Variants in RNF19B observed in about 807,000 individuals in gnomAD.
RNF19B encodes E3 ubiquitin-protein ligase RNF19B.
Under a neutral mutation model 65.5 loss-of-function variants are expected in RNF19B, and 23 were observed. The observed-to-expected ratio is 0.35, with a 90% CI of 0.25 to 0.50. RNF19B has a LOEUF of 0.50. RNF19B is among the 20% of genes least tolerant of loss of function. The pLI is 0.98. For missense variants in RNF19B, 794 were observed against 980.0 expected, an observed-to-expected ratio of 0.81 and a Z score of 2.53; for synonymous variants, 372 against 379.6, an observed-to-expected ratio of 0.98 and a Z score of 0.23.
intron 1 of RNF19B, among the ~76,000 whole-genome samples, 169 bp downstream of exon 1, chr1:32,963,882 T>A (rs891278429): frequency 6.6e-6 from 1 of 152,052 alleles, no homozygotes; most frequent in African/African-American, 2.4e-5. Flanking sequence ...GGGCGGGGTG[T>A]CGGGTGCGTT....
downstream of RNF19B, among the ~76,000 whole-genome samples, chr1:32,931,671 G>A (rs1227297958): frequency 2.0e-5 from 3 of 152,212 alleles, no homozygotes; most frequent in Non-Finnish European, 4.4e-5. Flanking sequence ...GAGCCTTGCG[G>A]CTACAAAAGA....
rs1398261133 is a variant in RNF19B at position 32,945,627 on chromosome 1, A to C, written c.1148T>G (p.Ile383Ser). 1 of 1,590,722 alleles carries C rather than the reference A, an allele frequency of 6.3e-7. No individual in the cohort carries two copies. Among genetic ancestry groups the C allele is most frequent in the Non-Finnish European group, 8.6e-7 (1 of 1,159,024 alleles). The change falls in exon 5 of 9, where the codon ATT (isoleucine) becomes AGT (serine). Residue 383 changes from isoleucine to serine, a missense_variant and splice_region_variant. Ile to Ser is a moderately radical substitution (Grantham distance 142). Around this residue, in one of 3 missense-constraint regions of RNF19B, gnomAD observed 368 missense variants for 447.3 expected, o/e 0.82. Transcript: ENST00000235150. ...TTTCCTTCCCTCATACCTGCTGTGA[A>C]TCTAAGAATAAAAAAAGAAAATCCA... ...IGIPVYVGRK[I>S]HSRYEGRKTS...
downstream of RNF19B, among the ~76,000 whole-genome samples, chr1:32,933,987 G>A (rs761320866): frequency 4.6e-5 from 7 of 152,114 alleles, no homozygotes; most frequent in South Asian, 2.1e-4. Context: ...TTGTTCTCTC[G>A]AGGCTTCAAG....
At chr1:32,956,992 A>G (rs1334023882) in intron 1 of RNF19B, among the ~76,000 whole-genome samples, 2 of 152,168 alleles carry the variant, frequency 1.3e-5, no homozygotes, top group African/African-American at 4.8e-5. Flanking sequence ...GACAACTCCA[A>G]GAGCCTCCTT....
At chr1:32,930,280 T>C in the RNF19B span, among the ~76,000 whole-genome samples, 1 of 151,524 alleles carries the variant, frequency 6.6e-6, no homozygotes, top group Non-Finnish European at 1.5e-5. Flanking sequence ...CAGCTAGTTT[T>C]TGTATTTTTA....
chr1:32,936,029 G>A (rs539043680), downstream of RNF19B, among the ~76,000 whole-genome samples: 197 of 152,276 alleles, frequency 1.3e-3, no homozygotes, highest in Middle Eastern at 0.01. Context: ...GATTACAGGC[G>A]TGAGCCACCA....
chr1:32,961,820 A>C (rs1261796234), intron 1 of RNF19B, among the ~76,000 whole-genome samples: 1 of 152,164 alleles, frequency 6.6e-6, no homozygotes, highest in Non-Finnish European at 1.5e-5. Flanking sequence ...GTGCATTTTT[A>C]TTGATGTGAG....
At chr1:32,961,578 A>G (rs1215975409) in intron 1 of RNF19B, among the ~76,000 whole-genome samples, 4 of 152,200 alleles carry the variant, frequency 2.6e-5, no homozygotes, top group Non-Finnish European at 5.9e-5. Flanking sequence ...AGGTATTGAG[A>G]GGCCAGCTTT....
chr1:32,944,820 C>G (rs1642326879), intron 5 of RNF19B, among the ~76,000 whole-genome samples: 1 of 152,078 alleles, frequency 6.6e-6, no homozygotes, highest in Non-Finnish European at 1.5e-5. Context: ...TCCCAAGTAG[C>G]TGGGACTACA....
intron 1 of RNF19B, among the ~76,000 whole-genome samples, chr1:32,951,802 CTT>C (rs34519392): frequency 2.8e-5 from 4 of 145,088 alleles, no homozygotes; most frequent in African/African-American, 5.0e-5. Flanking sequence ...GACACATATT[CTT>C]TTTTTTTTTT....
At chr1:32,955,961 G>A (rs1046651849) in intron 1 of RNF19B, among the ~76,000 whole-genome samples, 3 of 152,140 alleles carry the variant, frequency 2.0e-5, no homozygotes, top group Non-Finnish European at 4.4e-5. Context: ...TGGGTGCAGT[G>A]GCTCATGCCC....
chr1:32,942,035 T>G (rs1168655946), intron 7 of RNF19B, among the ~76,000 whole-genome samples: 1 of 152,074 alleles, frequency 6.6e-6, no homozygotes, highest in Non-Finnish European at 1.5e-5. Flanking sequence ...AGGCGGAGCT[T>G]GCAGTGAGCC....
intron 1 of RNF19B, among the ~76,000 whole-genome samples, chr1:32,961,255 T>C (rs148329527): frequency 2.0e-5 from 3 of 152,294 alleles, no homozygotes; most frequent in Non-Finnish European, 4.4e-5. Flanking sequence ...AACTAGACTC[T>C]AGTATCTTTG....
At chr1:32,959,045 T>C (rs370053906) in intron 1 of RNF19B, among the ~76,000 whole-genome samples, 9 of 152,292 alleles carry the variant, frequency 5.9e-5, no homozygotes, top group African/African-American at 2.2e-4. Flanking sequence ...GCAAAAATCC[T>C]CCTTCACTGA....
intron 1 of RNF19B, among the ~76,000 whole-genome samples, chr1:32,952,782 A>G (rs1370458809): frequency 6.7e-6 from 1 of 149,862 alleles, no homozygotes; most frequent in Non-Finnish European, 1.5e-5. Context: ...GTATGGTGAC[A>G]CAGGCCTGCA....
rs757085052 is a variant in RNF19B, at chr1:32,936,854, G to A, written c.2148C>T (p.Ala716=). Reference sequence around the variant, plus strand: ...CTGGCTTCAAGACAGTTTGTCCCTCGGCTAGGGCAGAGAGGTTCATATGGG... The same window carrying A: ...CTGGCTTCAAGACAGTTTGTCCCTCAGCTAGGGCAGAGAGGTTCATATGGG... ...PSAHMNLSAL[A]EGQTVLKPEG... Residue 716 remains alanine (A), a synonymous_variant, in exon 9 of 9, where the codon GCC becomes GCT. Transcript: ENST00000235150. The A allele has an allele frequency of 1.5e-5, 24 of 1,600,350 alleles. No homozygotes were observed. The highest frequency in any genetic ancestry group is 2.2e-5 in the East Asian group (1 of 44,614).
chr1:32,958,172 G>A (rs937056772), intron 1 of RNF19B, among the ~76,000 whole-genome samples: 5 of 152,162 alleles, frequency 3.3e-5, no homozygotes, highest in African/African-American at 1.2e-4. Context: ...CCTTAAAGAT[G>A]CTACAGAAAA....
At chr1:32,946,227 C>T (rs941730232) in intron 4 of RNF19B, among the ~76,000 whole-genome samples, 175 bp downstream of exon 4, 3 of 152,186 alleles carry the variant, frequency 2.0e-5, no homozygotes, top group Non-Finnish European at 4.4e-5. Flanking sequence ...TTAATAAGAA[C>T]TTTCAGATCT....
intron 6 of RNF19B, among the ~76,000 whole-genome samples, chr1:32,942,724 T>C (rs889381146): frequency 3.9e-5 from 6 of 152,228 alleles, no homozygotes; most frequent in Admixed American, 1.3e-4. Flanking sequence ...CATGAAACTA[T>C]AACTCTGATT....
Sources: allele counts gnomAD v4.1 joint callset (sites outside exome capture counted in the v4.1 genomes callset), GRCh38; gene constraint gnomAD v4.1.1; regional missense constraint gnomAD v4.1.1; transcripts MANE v1.5; gene names NCBI Gene and HGNC (gene_info 2026-07-23, HGNC 2026-07-21).